Variants in ELOVL4 observed in about 807,000 individuals in gnomAD.
ELOVL4 encodes the protein very long chain fatty acid elongase 4.
In ELOVL4, 18 loss-of-function variants were observed where a neutral mutation model predicts 42.1. The ratio of observed to expected loss-of-function variants is 0.43; its 90% CI spans 0.30 to 0.63. The LOEUF (loss-of-function observed/expected upper bound fraction) is 0.63, where lower values mean the gene tolerates loss of function less well. ELOVL4 is among the 30% of genes least tolerant of loss of function. The pLI is 0.15. For missense variants in ELOVL4, 299 were observed against 376.2 expected, an observed-to-expected ratio of 0.79 and a Z score of 1.70; for synonymous variants, 117 against 127.0, an observed-to-expected ratio of 0.92 and a Z score of 0.53.
chr6:79,939,369 C>G (rs1195909777), intron 1 of ELOVL4, among the ~76,000 whole-genome samples: 1 of 152,086 alleles, frequency 6.6e-6, no homozygotes, highest in Non-Finnish European at 1.5e-5. Flanking sequence ...AGCATATCCA[C>G]ATTGTTGTGA....
chr6:79,934,950 AC>A (rs888387821), intron 1 of ELOVL4, among the ~76,000 whole-genome samples: 4 of 152,224 alleles, frequency 2.6e-5, no homozygotes, highest in East Asian at 1.9e-4. Context: ...GAATAAAAAA[AC>A]ATTTTATGAC....
intron 1 of ELOVL4, among the ~76,000 whole-genome samples, chr6:79,941,477 C>T (rs1357473011): frequency 6.6e-6 from 1 of 152,164 alleles, no homozygotes; most frequent in Non-Finnish European, 1.5e-5. Flanking sequence ...CTGTTTTGTG[C>T]TTCTAAATGA....
intron 4 of ELOVL4, among the ~76,000 whole-genome samples, chr6:79,920,675 C>A (rs2127698271): frequency 1.3e-5 from 2 of 152,244 alleles, no homozygotes; most frequent in South Asian, 2.1e-4. Context: ...AGTTTGTGTA[C>A]TCTGAACATC....
intron 4 of ELOVL4, 84 bp from the exon 5 acceptor site, chr6:79,919,631 CATT>C: frequency 8.4e-7 from 1 of 1,195,172 alleles, no homozygotes. Context: ...AATGAATACA[CATT>C]ATTTTTTAAT....
chr6:79,921,202 T>C (rs343620), intron 4 of ELOVL4, among the ~76,000 whole-genome samples: 42,911 of 151,810 alleles, frequency 0.28, 8,244 homozygotes, highest in African/African-American at 0.55. Context: ...TGGCTCATGC[T>C]TGTAATCCCA....
chr6:79,937,550 G>A lies in ELOVL4; in HGVS notation c.100+9630C>T, dbSNP rs150589223. Among the ~76,000 whole-genome samples, 377 of 152,202 alleles carry A rather than the reference G, an allele frequency of 2.5e-3. 1 individual carries two copies. The highest frequency in any genetic ancestry group is 8.4e-3 in the African/African-American group (350 of 41,530). On this transcript the variant is annotated intron_variant, in intron 1 of 5. Coordinates refer to ENST00000369816, the MANE Select transcript of ELOVL4 (RefSeq NM_022726.4). ...GGAAAATGGGGATAATAACGGTACC[G>A]AGCCCAATGGAATATGAGGACTAAA...
chr6:79,929,494 G>A (rs909378423), intron 1 of ELOVL4, among the ~76,000 whole-genome samples: 1 of 151,992 alleles, frequency 6.6e-6, no homozygotes, highest in Non-Finnish European at 1.5e-5. Flanking sequence ...ATCCACCTTG[G>A]CCTCCCAAAG....
chr6:79,917,707 G>C (rs1042383715), intron 5 of ELOVL4, among the ~76,000 whole-genome samples: 1 of 152,096 alleles, frequency 6.6e-6, no homozygotes, highest in Non-Finnish European at 1.5e-5. Context: ...TGTAATCCCA[G>C]CTACTCAGGA....
intron 1 of ELOVL4, among the ~76,000 whole-genome samples, chr6:79,942,794 G>A (rs960554551): frequency 2.6e-5 from 4 of 152,148 alleles, no homozygotes; most frequent in African/African-American, 4.8e-5. Flanking sequence ...TTGGGGAATG[G>A]ATAAGAGCAT....
chr6:79,926,122 T>C lies in ELOVL4; in HGVS notation c.288+72A>G, dbSNP rs918075686. The stretch of plus-strand genomic sequence containing the variant: ...ATGTCTGGGTAAAATATTACAATGA[T>C]GGTTTTACACATTCTCATTTTTAAA... On this transcript the variant is annotated intron_variant, in intron 2 of 5. Transcript: ENST00000369816. The C allele has an allele frequency of 1.4e-5, 18 of 1,316,944 alleles. No individual in the cohort carries two copies. The African/African-American group carries it at 2.2e-4, about 16-fold the overall frequency. The allele number at this position is 1,316,944 out of a possible 1,614,324, so 81.6% of individuals were successfully genotyped here.
chr6:79,935,645 G>T (rs1406333413), intron 1 of ELOVL4, among the ~76,000 whole-genome samples: 2 of 152,112 alleles, frequency 1.3e-5, no homozygotes, highest in African/African-American at 4.8e-5. Context: ...CAAATCATTG[G>T]CCCTTTTGAT....
chr6:79,943,186 C>A (rs1441520862), intron 1 of ELOVL4, among the ~76,000 whole-genome samples: 1 of 152,096 alleles, frequency 6.6e-6, no homozygotes, highest in Non-Finnish European at 1.5e-5. Context: ...TTAATGTAAG[C>A]ATACTGTACA....
Position 79,947,215 on chromosome 6 carries a change from G to A in ELOVL4, c.65C>T (p.Thr22Met), listed in dbSNP as rs1275216390. ...LNVVSTALND[T>M]VEFYRWTWSI... ...CCAGGTCCAGCGGTAGAACTCTACCGTGTCGTTGAGTGCCGTGGACACTAC... is the reference window on the plus strand; with the variant it reads ...CCAGGTCCAGCGGTAGAACTCTACCATGTCGTTGAGTGCCGTGGACACTAC... Residue 22 changes from threonine to methionine, a missense_variant, in exon 1 of 6, where the codon ACG becomes ATG. Coordinates refer to ENST00000369816, the MANE Select transcript of ELOVL4 (RefSeq NM_022726.4). 6.2e-7 allele frequency: 1 copy of A among 1,613,196 alleles called. No individual in the cohort carries two copies. Among genetic ancestry groups the A allele is most frequent in the East Asian group, 2.2e-5 (1 of 44,806 alleles).
intron 5 of ELOVL4, among the ~76,000 whole-genome samples, chr6:79,918,209 T>G (rs1458567262): frequency 6.6e-6 from 1 of 152,172 alleles, no homozygotes; most frequent in Non-Finnish European, 1.5e-5. Flanking sequence ...AGCTAAAAAT[T>G]TATACTATAT....
intron 1 of ELOVL4, among the ~76,000 whole-genome samples, chr6:79,942,792 T>C (rs1470557868): frequency 1.3e-5 from 2 of 152,202 alleles, no homozygotes; most frequent in East Asian, 1.9e-4. Context: ...CATTGGGGAA[T>C]GGATAAGAGC....
intron 3 of ELOVL4, among the ~76,000 whole-genome samples, chr6:79,923,334 A>G (rs913406382): frequency 6.6e-6 from 1 of 152,228 alleles, no homozygotes; most frequent in African/African-American, 2.4e-5. Context: ...TTATCCTCCT[A>G]GATTACAGTT....
rs2127703677 is a variant in ELOVL4 at position 79,947,511 on chromosome 6, G to T, written c.-232C>A. 3.5e-6 allele frequency: 2 copies of T among 565,278 alleles called. No homozygotes were observed. Among genetic ancestry groups the T allele is most frequent in the Non-Finnish European group, 3.2e-6 (1 of 315,924 alleles). The allele number at this position is 565,278 out of a possible 1,614,324, so 35.0% of individuals were successfully genotyped here. A position where few individuals can be genotyped will look rare whatever the true frequency, so the allele number is the denominator to read the frequency against. ...GTTCCCGGGAGAAAGACGAGGAGGTGGAGGAGGCCCAGCCGCCAGCACAGT... is the reference window on the plus strand; with the variant it reads ...GTTCCCGGGAGAAAGACGAGGAGGTTGAGGAGGCCCAGCCGCCAGCACAGT... On this transcript the variant is annotated 5_prime_UTR_variant, in exon 1 of 6. Coordinates refer to ENST00000369816, the MANE Select transcript of ELOVL4 (RefSeq NM_022726.4).
At chr6:79,936,790 C>T (rs566219619) in intron 1 of ELOVL4, among the ~76,000 whole-genome samples, 2 of 152,272 alleles carry the variant, frequency 1.3e-5, no homozygotes, top group South Asian at 4.1e-4. Context: ...GAGAAGGGCC[C>T]TTCAAATACA....
intron 5 of ELOVL4, among the ~76,000 whole-genome samples, chr6:79,919,128 T>G (rs1489421454): frequency 1.3e-4 from 20 of 152,210 alleles, no homozygotes; most frequent in Admixed American, 1.2e-3. Context: ...CTTTGTAGCG[T>G]GCTTAGATCT....
Sources: allele counts gnomAD v4.1 joint callset (sites outside exome capture counted in the v4.1 genomes callset), GRCh38; gene constraint gnomAD v4.1.1; transcripts MANE v1.5; gene names NCBI Gene and HGNC (gene_info 2026-07-23, HGNC 2026-07-21).